The following AGBL1 variants were observed in gnomAD, a reference collection of about 807,000 sequenced individuals.
The protein encoded by AGBL1 is AGBL carboxypeptidase 1.
A neutral mutation model predicts 118.9 loss-of-function variants in AGBL1; 130 were observed. The ratio of observed to expected loss-of-function variants is 1.09; its 90% confidence interval spans 0.95 to 1.26. The LOEUF (loss-of-function observed/expected upper bound fraction) is 1.26, where lower values mean the gene tolerates loss of function less well. Ranked by LOEUF, AGBL1 falls within the 50% of genes most tolerant of loss-of-function variation. The pLI, the probability that AGBL1 is intolerant of heterozygous loss-of-function variation, is 0.00. For missense variants in AGBL1, 1,584 were observed against 1,298.1 expected (o/e 1.22, Z -3.38); for synonymous variants, 555 against 478.9 (o/e 1.16, Z -2.08).
At chr15:86,556,340 C>G in intron 21 of AGBL1, 1 of 1,447,838 alleles carries the variant, frequency 6.9e-7, no homozygotes, top group Non-Finnish European at 9.7e-7. Flanking sequence ...TGCATTGGGT[C>G]ACTAGAAGGA....
chr15:86,270,339 C>G (rs28499278), intron 14 of AGBL1, among the ~76,000 whole-genome samples: 4,709 of 152,194 alleles, frequency 0.031, 258 homozygotes, highest in African/African-American at 0.11. Flanking sequence ...GGTGAGCGTT[C>G]TCATTTATTC....
chr15:86,396,705 A>T (rs1171588946), intron 17 of AGBL1, among the ~76,000 whole-genome samples: 1 of 152,032 alleles, frequency 6.6e-6, no homozygotes, highest in East Asian at 1.9e-4. Context: ...AATGGCAGGC[A>T]ATATAGTGAG....
intron 21 of AGBL1, among the ~76,000 whole-genome samples, chr15:86,562,603 T>C (rs1411778384): frequency 6.6e-6 from 1 of 152,216 alleles, no homozygotes; most frequent in East Asian, 1.9e-4. Context: ...TCTAAAATTC[T>C]CTTTTTTTGT....
At chr15:86,860,278 T>C (rs1333818540) in intron 22 of AGBL1, among the ~76,000 whole-genome samples, 2 of 152,108 alleles carry the variant, frequency 1.3e-5, no homozygotes, top group Non-Finnish European at 2.9e-5. Flanking sequence ...GCCCAGCACA[T>C]GGTGAGTTCT....
At chr15:86,571,275 G>T (rs1340933024) in intron 21 of AGBL1, among the ~76,000 whole-genome samples, 1 of 152,192 alleles carries the variant, frequency 6.6e-6, no homozygotes, top group Non-Finnish European at 1.5e-5. Flanking sequence ...CAAGCAAGGG[G>T]CATGTTTCAA....
At chr15:86,316,599 T>G (rs2080015314) in intron 17 of AGBL1, 1 of 152,242 alleles carries the variant, frequency 6.6e-6, no homozygotes, top group Admixed American at 6.5e-5. Context: ...CCCTTGACTT[T>G]CTGCAGGCCA....
intron 6 of AGBL1, among the ~76,000 whole-genome samples, chr15:86,231,921 G>T (rs2078462257): frequency 6.6e-6 from 1 of 152,320 alleles, no homozygotes; most frequent in East Asian, 1.9e-4. Flanking sequence ...GGTTAGAAAA[G>T]AACATGGTCC....
intron 22 of AGBL1, among the ~76,000 whole-genome samples, chr15:86,883,761 A>T (rs1596589208): frequency 6.6e-6 from 1 of 152,182 alleles, no homozygotes; most frequent in East Asian, 1.9e-4. Flanking sequence ...GAATAGATAA[A>T]TAAAATTTGT....
chr15:86,832,615 A>G (rs1041664603), intron 22 of AGBL1, among the ~76,000 whole-genome samples: 1 of 152,168 alleles, frequency 6.6e-6, no homozygotes, highest in African/African-American at 2.4e-5. Flanking sequence ...TTCAGTTTCC[A>G]AAAAGTTCCT....
At chr15:86,850,925 A>T (rs2079399523) in intron 22 of AGBL1, among the ~76,000 whole-genome samples, 4 of 152,228 alleles carry the variant, frequency 2.6e-5, no homozygotes, top group Admixed American at 2.6e-4. Context: ...ATAATATTTT[A>T]TTAATTATTG....
At chr15:86,966,666 T>G (rs933982360) in intron 23 of AGBL1, among the ~76,000 whole-genome samples, 9 of 152,180 alleles carry the variant, frequency 5.9e-5, no homozygotes, top group African/African-American at 2.2e-4. Flanking sequence ...CATCTTTTTT[T>G]ATGGCTGCAT....
In AGBL1 at chr15:86,883,536, C is replaced by A. The variant is rs116901811; in HGVS notation, c.3159-23551C>A. On this transcript the variant is annotated intron_variant, in intron 22 of 22. Coordinates refer to ENST00000614907, the MANE Select transcript of AGBL1 (RefSeq NM_001386094.1). The stretch of plus-strand genomic sequence containing the variant: ...TTCCTGCCTCCCCCTGACAGAGTTA[C>A]TGATTCCATCTGCTGAGCTCCTAGG... Among the ~76,000 whole-genome samples, 133 of 152,286 alleles carry A rather than the reference C, an allele frequency of 8.7e-4. 5 individuals are homozygous for A. The East Asian group carries it at 0.024, about 28-fold the overall frequency.
chr15:86,240,913 C>T (rs1252104363), intron 6 of AGBL1, among the ~76,000 whole-genome samples: 1 of 152,156 alleles, frequency 6.6e-6, no homozygotes, highest in Non-Finnish European at 1.5e-5. Flanking sequence ...GCATATTAAA[C>T]ATGTAACTGC....
intron 21 of AGBL1, among the ~76,000 whole-genome samples, chr15:86,570,067 A>T (rs2083981033): frequency 1.3e-5 from 2 of 152,214 alleles, no homozygotes; most frequent in African/African-American, 4.8e-5. Context: ...CTTGTCGTGT[A>T]GGGAAAAAGG....
chr15:86,259,282 A>G (rs2142019950), intron 9 of AGBL1, among the ~76,000 whole-genome samples: 1 of 152,318 alleles, frequency 6.6e-6, no homozygotes, highest in South Asian at 2.1e-4. Flanking sequence ...GCTCTAGAAT[A>G]AGAATTTGTC....
intron 17 of AGBL1, among the ~76,000 whole-genome samples, chr15:86,330,341 TAATAGGGCTATTTTTGGCAAAGA>T (rs1460233757): frequency 6.6e-6 from 1 of 152,166 alleles, no homozygotes; most frequent in African/African-American, 2.4e-5. Context: ...CAGATGTGCA[TAATAGGGCTATTTTTGGCAAAGA>T]AATAGGGCTA....
At chr15:86,468,502 A>G (rs932091637) in intron 18 of AGBL1, among the ~76,000 whole-genome samples, 1 of 152,158 alleles carries the variant, frequency 6.6e-6, no homozygotes, top group Non-Finnish European at 1.5e-5. Flanking sequence ...CCTTCCCCAC[A>G]GAGGAGCTTG....
At chr15:86,481,895 C>T (rs1336621286) in intron 18 of AGBL1, among the ~76,000 whole-genome samples, 1 of 152,062 alleles carries the variant, frequency 6.6e-6, no homozygotes, top group Non-Finnish European at 1.5e-5. Context: ...GTGTTTTACT[C>T]AAATGACTCA....
At chr15:86,719,597 T>C (rs146982936) in intron 22 of AGBL1, among the ~76,000 whole-genome samples, 1 of 152,198 alleles carries the variant, frequency 6.6e-6, no homozygotes, top group Admixed American at 6.5e-5. Context: ...AGTCATCCTA[T>C]CCTCCCTCCC....
Sources: gnomAD v4.1 joint callset for allele counts (sites outside exome capture counted in the v4.1 genomes callset) on GRCh38, gnomAD v4.1.1 for gene constraint, MANE v1.5 for transcripts, NCBI Gene and HGNC (gene_info 2026-07-23, HGNC 2026-07-21) for gene names.